The following FTSJ3 variants were observed in gnomAD, a reference collection of about 807,000 sequenced individuals.
FTSJ3 encodes pre-rRNA 2'-O-ribose RNA methyltransferase FTSJ3.
FTSJ3 carries 46 observed loss-of-function variants against 111.5 expected under a neutral mutation model. The ratio of observed to expected loss-of-function variants is 0.41; its 90% CI spans 0.33 to 0.53. The LOEUF is 0.53. FTSJ3 is among the 20% of genes least tolerant of loss of function. The probability of loss-of-function intolerance (pLI) is 0.19; values close to 1 mark genes in which losing one functional copy is unlikely to be tolerated. For missense variants in FTSJ3, 1,075 were observed against 1,063.8 expected, an observed-to-expected ratio of 1.01 and a Z score of -0.15; for synonymous variants, 408 against 383.0, an observed-to-expected ratio of 1.07 and a Z score of -0.76.
rs1215483104 is a variant in FTSJ3 at position 63,820,930 on chromosome 17, G to A, written c.1981C>T (p.Arg661Trp). 1.2e-5 allele frequency: 19 copies of A among 1,614,012 alleles called. No homozygotes were observed. The highest frequency in any genetic ancestry group is 2.7e-5 in the African/African-American group (2 of 75,012). ...GCAAGGCCTTCGGGGTCCAGTATCCGATGTTTCGCTAGAGAGGGAAGGAGA... is the reference window on the plus strand; with the variant it reads ...GCAAGGCCTTCGGGGTCCAGTATCCAATGTTTCGCTAGAGAGGGAAGGAGA... ...IVPIEDPAKH[R>W]ILDPEGLALG... Residue 661 changes from arginine to tryptophan, a missense_variant, in exon 18 of 21, where the codon CGG becomes TGG. By Grantham distance (101) the Arg-to-Trp change is moderately radical. Transcript: ENST00000427159.
At position 63,823,865 on chromosome 17, in the gene FTSJ3, G is replaced by C; in HGVS notation, c.1242C>G (p.Asp414Glu). ...KMDLPGVSIA[D>E]EGETGMFSLS... Reference sequence around the variant, plus strand: ...AGGAGAACATGCCAGTCTCCCCCTCGTCTGCAATGGAAACCCCAGGCAGAT... The same window carrying C: ...AGGAGAACATGCCAGTCTCCCCCTCCTCTGCAATGGAAACCCCAGGCAGAT... The change falls in exon 13 of 21, where the codon GAC becomes GAG. Residue 414 changes from aspartate to glutamate, a missense_variant. Physicochemically the swap from Asp to Glu is conservative, Grantham distance 45. Coordinates refer to ENST00000427159, the MANE Select transcript of FTSJ3 (RefSeq NM_017647.4). The C allele has an allele frequency of 1.2e-6, 2 of 1,614,040 alleles. No homozygotes were observed. Among genetic ancestry groups the C allele is most frequent in the Non-Finnish European group, 1.7e-6 (2 of 1,180,012 alleles).
Position 63,820,922 on chromosome 17 carries a change from C to T in FTSJ3, c.1989G>A (p.Leu663=). Residue 663 remains leucine (L), a synonymous_variant, in exon 18 of 21, where the codon CTG becomes CTA. Transcript: ENST00000427159. ...PIEDPAKHRI[L]DPEGLALGAV... ...CACCTAGAGCAAGGCCTTCGGGGTCCAGTATCCGATGTTTCGCTAGAGAGG... is the reference window on the plus strand; with the variant it reads ...CACCTAGAGCAAGGCCTTCGGGGTCTAGTATCCGATGTTTCGCTAGAGAGG... The T allele has an allele frequency of 6.2e-7, 1 of 1,614,126 alleles. No individual in the cohort carries two copies. The highest frequency in any genetic ancestry group is 8.5e-7 in the Non-Finnish European group (1 of 1,179,982).
In FTSJ3 at chr17:63,825,237, C is replaced by T. The variant is rs775628016; in HGVS notation, c.595+5G>A. On this transcript the variant is annotated splice_donor_5th_base_variant and intron_variant, in intron 7 of 20. Transcript: ENST00000427159. ...CTGGATCAAGAGAAAGGAAATGATG[C>T]CCACCTTGGCAGACTACAAAGATCT... The T allele has an allele frequency of 6.2e-7, 1 of 1,614,038 alleles. No individual in the cohort carries two copies. The highest frequency in any genetic ancestry group is 8.5e-7 in the Non-Finnish European group (1 of 1,179,982).
intron 6 of FTSJ3, 24 bp from the exon 7 acceptor site, chr17:63,825,460 G>C (rs1321139426): frequency 1.2e-6 from 2 of 1,613,646 alleles, no homozygotes; most frequent in South Asian, 1.1e-5. Flanking sequence ...ACAATTAGTT[G>C]ACGCACTCTG....
At chr17:63,823,580 G>A (rs570299072) in intron 13 of FTSJ3, 163 of 452,472 alleles carry the variant, frequency 3.6e-4, no homozygotes, top group Admixed American at 9.4e-4. Flanking sequence ...GGGCAACAGA[G>A]CAAGACTCCG....
Position 63,827,616 on chromosome 17 carries a change from G to A in FTSJ3, c.-591C>T. 2.6e-6 allele frequency: 4 copies of A among 1,547,806 alleles called. No homozygotes were observed. Among genetic ancestry groups the A allele is most frequent in the Non-Finnish European group, 3.5e-6 (4 of 1,145,428 alleles). ...CCGGGGCAGGAGCGTCGGGTGGGTC[G>A]GAGGTGCCTGGACCAGTCCATGCTG... On this transcript the variant is annotated 5_prime_UTR_variant, in exon 1 of 21. The change creates a premature stop within an existing upstream ORF in the 5' untranslated region. Transcript: ENST00000427159.
At chr17:63,820,212 C>A in intron 19 of FTSJ3, 39 bp from the exon 20 acceptor site, 1 of 880,440 alleles carries the variant, frequency 1.1e-6, no homozygotes, top group Non-Finnish European at 1.7e-6. Flanking sequence ...TCCCCATCCC[C>A]CCACCCCCAC....
In FTSJ3 at chr17:63,825,346, T is replaced by C. The variant is rs1432496779; in HGVS notation, c.491A>G (p.Tyr164Cys). The change falls in exon 7 of 21, where the codon TAT becomes TGT. Residue 164 changes from tyrosine to cysteine, a missense_variant. By Grantham distance (194) the Tyr-to-Cys change is radical (BLOSUM62 -2). Coordinates refer to ENST00000427159, the MANE Select transcript of FTSJ3 (RefSeq NM_017647.4). ...FITKVFRSRD[Y>C]QPLLWIFQQL... ...CTGAAAGATCCATAGCAGAGGCTGA[T>C]AGTCACGAGAACGGAAAACCTTTGT... 2 of 1,614,074 alleles carry C rather than the reference T, an allele frequency of 1.2e-6. No homozygotes were observed. Among genetic ancestry groups the C allele is most frequent in the Non-Finnish European group, 1.7e-6 (2 of 1,180,046 alleles).
chr17:63,820,563 C>G, intron 18 of FTSJ3, 125 bp from the exon 19 acceptor site: 1 of 941,500 alleles, frequency 1.1e-6, no homozygotes, highest in African/African-American at 1.6e-5. Context: ...GGCAGATCAC[C>G]TGAGGTCAGG....
rs1272212120 is a variant in FTSJ3 at position 63,824,869 on chromosome 17, G to A, written c.772C>T (p.Leu258Phe). The A allele has an allele frequency of 1.9e-6, 3 of 1,601,280 alleles. No homozygotes were observed. Among genetic ancestry groups the A allele is most frequent in the Admixed American group, 1.7e-5 (1 of 59,512 alleles). ...LYHRTSVTDF[L>F]RAANPVDFLS... ...AAGTCAACAGGGTTGGCAGCTCGGA[G>A]GAAGTCAGTGACTGAGGTACGGTGA... The change falls in exon 9 of 21, where the codon CTC (leucine) becomes TTC (phenylalanine). Residue 258 changes from leucine (L) to phenylalanine (F), a missense_variant. Coordinates refer to ENST00000427159, the MANE Select transcript of FTSJ3 (RefSeq NM_017647.4).
intron 1 of FTSJ3, 43 bp from the exon 2 acceptor site, chr17:63,826,971 C>T: frequency 7.5e-7 from 1 of 1,331,860 alleles, no homozygotes; most frequent in Non-Finnish European, 1.1e-6. Context: ...TTCCGGAGCA[C>T]CAGATTCCAC....
chr17:63,820,807 G>T (rs758495269), intron 18 of FTSJ3, 32 bp downstream of exon 18: 4 of 1,508,650 alleles, frequency 2.7e-6, no homozygotes, highest in Non-Finnish European at 2.8e-6. Flanking sequence ...CCAGACCCTG[G>T]GTCACTCTTG....
chr17:63,819,587 T>TGA lies in FTSJ3; in HGVS notation c.*214_*215insTC. 1 of 565,826 alleles carries TGA rather than the reference T, an allele frequency of 1.8e-6. No individual in the cohort carries two copies. The highest frequency in any genetic ancestry group is 3.1e-6 in the Non-Finnish European group (1 of 318,644). 35.1% of individuals were successfully genotyped at this position (565,826 alleles called of 1,614,324 possible). A position where few individuals can be genotyped will look rare whatever the true frequency, so the allele number is the denominator to read the frequency against. On this transcript the variant is annotated 3_prime_UTR_variant, in exon 21 of 21. Coordinates refer to ENST00000427159, the MANE Select transcript of FTSJ3 (RefSeq NM_017647.4). ...AAAGGGTCATGAGTGTCAACACAGTTCAGCAGTGTTTTCATGGGAGACCTT... is the reference window on the plus strand; with the variant it reads ...AAAGGGTCATGAGTGTCAACACAGTTGACAGCAGTGTTTTCATGGGAGACCTT...
rs2040046122 is a variant in FTSJ3 at position 63,821,094 on chromosome 17, C to T, written c.1908G>A (p.Lys636=). The change falls in exon 17 of 21, where the codon AAG becomes AAA. Residue 636 remains lysine, a synonymous_variant. Transcript: ENST00000427159. ...CTGACTTAGGCCCACGGCTTCGCTT[C>T]TTACCACGGAGGGGTTCCCAGCTGT... is the stretch of plus-strand genomic sequence containing the variant. ...EEESWEPLRG[K]KRSRGPKSDD... 1.9e-6 allele frequency: 3 copies of T among 1,614,102 alleles called. No individual in the cohort carries two copies. The highest frequency in any genetic ancestry group is 2.5e-6 in the Non-Finnish European group (3 of 1,180,056).
In FTSJ3 at chr17:63,827,551, G is replaced by A. The variant is rs2040123746; in HGVS notation, c.-526C>T. ...GCAGTGGCGGCCCGGCAGGTTACGG[G>A]GCTGGGTGCGGAGCGAGCGTGATCT... On this transcript the variant is annotated 5_prime_UTR_variant, in exon 1 of 21. Coordinates refer to ENST00000427159, the MANE Select transcript of FTSJ3 (RefSeq NM_017647.4). 1 of 1,551,580 alleles carries A rather than the reference G, an allele frequency of 6.4e-7. No homozygotes were observed. Among genetic ancestry groups the A allele is most frequent in the East Asian group, 2.4e-5 (1 of 40,924 alleles).
chr17:63,821,669 C>T (rs199809635), intron 15 of FTSJ3, 26 bp from the exon 16 acceptor site: 102 of 1,613,608 alleles, frequency 6.3e-5, no homozygotes, highest in Non-Finnish European at 7.7e-5. Flanking sequence ...ATCAGCTGCC[C>T]TTCTCCCAAG....
chr17:63,820,344 C>T lies in FTSJ3; in HGVS notation c.2167G>A (p.Glu723Lys). The change falls in exon 19 of 21, where the codon GAG (glutamate) becomes AAG (lysine). Residue 723 changes from glutamate (E) to lysine (K), a missense_variant. By Grantham distance (56) the Glu-to-Lys change is moderately conservative. Coordinates refer to ENST00000427159, the MANE Select transcript of FTSJ3 (RefSeq NM_017647.4). ...CAGCGTTTCCGGTAATGCTCCACCT[C>T]CTTCTTACCAACAGGCAACTGTCGT... is the stretch of plus-strand genomic sequence containing the variant. ...RIRQLPVGKK[E>K]VEHYRKRWRE... 1 of 1,614,126 alleles carries T rather than the reference C, an allele frequency of 6.2e-7. No individual in the cohort carries two copies. The highest frequency in any genetic ancestry group is 8.5e-7 in the Non-Finnish European group (1 of 1,180,036).
In FTSJ3 at chr17:63,825,689, C is replaced by G. The variant is rs1175515780; in HGVS notation, c.301-54G>C. On this transcript the variant is annotated intron_variant, in intron 5 of 20. Transcript: ENST00000427159. ...CAGAAACACTGGAATGGCCCTGGTT[C>G]AGCCATTTGTCCATCTAGTCATTTG... 6 of 1,494,780 alleles carry G rather than the reference C, an allele frequency of 4.0e-6. No individual in the cohort carries two copies. The African/African-American group carries it at 8.3e-5, about 21-fold the overall frequency. 92.6% of individuals were successfully genotyped at this position (1,494,780 alleles called of 1,614,324 possible). A position where few individuals can be genotyped will look rare whatever the true frequency, so the allele number is the denominator to read the frequency against.
At chr17:63,825,215 G>A in intron 7 of FTSJ3, 27 bp downstream of exon 7, 1 of 1,613,824 alleles carries the variant, frequency 6.2e-7, no homozygotes, top group Non-Finnish European at 8.5e-7. Flanking sequence ...TGGGAGCCTG[G>A]ATCAAGAGAA....
Sources: gnomAD v4.1 joint callset for allele counts on GRCh38, gnomAD v4.1.1 for gene constraint, MANE v1.5 for transcripts, NCBI Gene and HGNC (gene_info 2026-07-23, HGNC 2026-07-21) for gene names.